The following STXBP4 variants were observed in gnomAD, a reference collection of about 807,000 sequenced individuals.
STXBP4 encodes the protein syntaxin binding protein 4, also known as syntaxin-binding protein 4.
STXBP4 carries 55 observed loss-of-function variants against 76.1 expected under a neutral mutation model. The ratio of observed to expected loss-of-function variants is 0.72; its 90% CI spans 0.58 to 0.91. STXBP4 has a LOEUF of 0.91. Ranked by LOEUF, STXBP4 falls within the 40% of genes least tolerant of loss-of-function variation. STXBP4 has a pLI of 0.00. For synonymous variants in STXBP4, 201 were observed against 220.2 expected (o/e 0.91, Z 0.77); for missense variants, 618 against 636.9 (o/e 0.97, Z 0.32).
intron 1 of STXBP4, among the ~76,000 whole-genome samples, chr17:54,974,182 T>A (rs929939676): frequency 1.6e-4 from 25 of 152,368 alleles, no homozygotes; most frequent in Admixed American, 3.9e-4. Context: ...CGATGTGAAA[T>A]ACCTAACAAT....
At chr17:55,155,174 A>G (rs113263706) in intron 17 of STXBP4, among the ~76,000 whole-genome samples, 41 of 152,276 alleles carry the variant, frequency 2.7e-4, no homozygotes, top group African/African-American at 9.1e-4. Flanking sequence ...TCTCTTAAAC[A>G]TATTTTAGAA....
intron 16 of STXBP4, among the ~76,000 whole-genome samples, chr17:55,081,595 C>T (rs575576604): frequency 5.9e-5 from 9 of 152,106 alleles, no homozygotes; most frequent in East Asian, 3.9e-4. Context: ...ACTGCTGAAA[C>T]GATGAGTTAA....
At chr17:55,145,651 G>T (rs2080144446) in intron 17 of STXBP4, among the ~76,000 whole-genome samples, 1 of 152,124 alleles carries the variant, frequency 6.6e-6, no homozygotes, top group Non-Finnish European at 1.5e-5. Flanking sequence ...TACCTAGGAT[G>T]AACAAATTTG....
At chr17:54,988,406 C>G (rs2077658134) in intron 3 of STXBP4, among the ~76,000 whole-genome samples, 1 of 152,164 alleles carries the variant, frequency 6.6e-6, no homozygotes, top group African/African-American at 2.4e-5. Flanking sequence ...AGGTAGCTTA[C>G]TTCCCTTTCT....
chr17:55,023,540 A>G (rs937385663), intron 8 of STXBP4, among the ~76,000 whole-genome samples: 1 of 152,160 alleles, frequency 6.6e-6, no homozygotes, highest in Non-Finnish European at 1.5e-5. Context: ...CCGTGTGGAC[A>G]ATTTGTGGTG....
chr17:55,202,996 G>A, the STXBP4 span, among the ~76,000 whole-genome samples: 1 of 152,104 alleles, frequency 6.6e-6, no homozygotes, highest in Non-Finnish European at 1.5e-5. Context: ...TGCTAAACTG[G>A]AGCAATATTT....
chr17:55,090,855 CTGTGTGTG>C (rs57750914), intron 16 of STXBP4, among the ~76,000 whole-genome samples: 35,716 of 147,138 alleles, frequency 0.24, 4,373 homozygotes, highest in South Asian at 0.35. Flanking sequence ...GTGTGTGTGT[CTGTGTGTG>C]TGTGTGTGTG....
intron 12 of STXBP4, among the ~76,000 whole-genome samples, chr17:55,050,085 A>G (rs2078840784): frequency 6.6e-6 from 1 of 152,134 alleles, no homozygotes; most frequent in African/African-American, 2.4e-5. Flanking sequence ...AATTAGAGGC[A>G]TATGACTTGG....
At chr17:54,978,326 TA>T (rs886590190) in intron 1 of STXBP4, among the ~76,000 whole-genome samples, 2 of 130,284 alleles carry the variant, frequency 1.5e-5, no homozygotes, top group South Asian at 2.3e-4. Context: ...CCCAATGCAA[TA>T]AAAAAAACAT....
the STXBP4 span, among the ~76,000 whole-genome samples, chr17:55,188,036 G>A: frequency 6.6e-6 from 1 of 152,106 alleles, no homozygotes; most frequent in African/African-American, 2.4e-5. Context: ...TGAGGAAACT[G>A]CACCTTAGAG....
At chr17:55,007,433 GAACATATCCTGTCAAAT>G (rs1178368243) in intron 7 of STXBP4, 56 bp from the exon 8 acceptor site, 123 of 1,050,336 alleles carry the variant, frequency 1.2e-4, no homozygotes, top group Non-Finnish European at 1.7e-4. Flanking sequence ...CAGGAACTCA[GAACATATCCTGTCAAAT>G]AAAAATTTCG....
intron 16 of STXBP4, among the ~76,000 whole-genome samples, chr17:55,103,081 G>A (rs189249373): frequency 6.6e-6 from 1 of 152,276 alleles, no homozygotes; most frequent in Admixed American, 6.5e-5. Context: ...TCTGCAGGTT[G>A]TCTGTTCACT....
At chr17:55,061,308 G>T (rs2078992042) in intron 12 of STXBP4, among the ~76,000 whole-genome samples, 1 of 152,094 alleles carries the variant, frequency 6.6e-6, no homozygotes, top group African/African-American at 2.4e-5. Context: ...TAAAGATTGT[G>T]TTTCTTGTGT....
intron 12 of STXBP4, 38 bp downstream of exon 12, chr17:55,047,192 G>A (rs1000781158): frequency 1.3e-5 from 10 of 762,226 alleles, no homozygotes; most frequent in Middle Eastern, 3.6e-4. Flanking sequence ...GCTCGTGTGT[G>A]TGTGTGTGTG....
At chr17:54,991,711 TTAA>T (rs938334267) in intron 4 of STXBP4, 3 of 150,764 alleles carry the variant, frequency 2.0e-5, no homozygotes, top group Non-Finnish European at 4.4e-5. Flanking sequence ...TAAAATTATA[TTAA>T]TAATTAAGAA....
intron 16 of STXBP4, among the ~76,000 whole-genome samples, chr17:55,090,785 A>G (rs1387688447): frequency 2.0e-5 from 3 of 151,848 alleles, no homozygotes; most frequent in East Asian, 1.9e-4. Flanking sequence ...GAGGGATCTC[A>G]TGCTAAAACC....
chr17:55,151,256 G>A (rs567578855), intron 17 of STXBP4, among the ~76,000 whole-genome samples: 3 of 152,106 alleles, frequency 2.0e-5, no homozygotes, highest in Non-Finnish European at 4.4e-5. Context: ...GGAGGGTAGT[G>A]GTCCCACTAC....
At chr17:55,091,177 G>A (rs2079409117) in intron 16 of STXBP4, among the ~76,000 whole-genome samples, 1 of 152,232 alleles carries the variant, frequency 6.6e-6, no homozygotes, top group African/African-American at 2.4e-5. Context: ...ACTAATTAAA[G>A]TTGAAAGTAA....
intron 1 of STXBP4, among the ~76,000 whole-genome samples, chr17:54,970,563 TG>T (rs2077380499): frequency 6.6e-6 from 1 of 152,262 alleles, no homozygotes; most frequent in Admixed American, 6.5e-5. Flanking sequence ...TATTGTGTGA[TG>T]ACAGTGTTTG....
Sources: gnomAD v4.1 joint callset for allele counts (sites outside exome capture counted in the v4.1 genomes callset) on GRCh38, gnomAD v4.1.1 for gene constraint, MANE v1.5 for transcripts, NCBI Gene and HGNC (gene_info 2026-07-23, HGNC 2026-07-21) for gene names.